Variants in MAF observed in about 807,000 individuals in gnomAD.
The protein encoded by MAF is MAF bZIP transcription factor, also known as transcription factor Maf.
MAF carries 10 observed loss-of-function variants against 22.0 expected under a neutral mutation model. The observed-to-expected ratio is 0.45, with a 90% CI of 0.28 to 0.77. The LOEUF (loss-of-function observed/expected upper bound fraction) is 0.77. MAF is among the 30% of genes least tolerant of loss of function. The pLI, the probability that MAF is intolerant of heterozygous loss-of-function variation, is 0.12. For missense variants in MAF, 544 were observed against 548.4 expected (o/e 0.99, Z 0.08); for synonymous variants, 337 against 255.8 (o/e 1.32, Z -3.03).
chr16:79,591,131 G>C (rs1374821529), downstream of MAF, among the ~76,000 whole-genome samples: 2 of 152,026 alleles, frequency 1.3e-5, no homozygotes, highest in African/African-American at 4.8e-5. Flanking sequence ...GTTCCCTAAC[G>C]GAAAGGACCA....
At chr16:79,437,140 CTCTCTCTGTG>C in the MAF span, among the ~76,000 whole-genome samples, 5 of 26,000 alleles carry the variant, frequency 1.9e-4, no homozygotes, top group South Asian at 1.5e-3. Context: ...AAAGCTCTCT[CTCTCTCTGTG>C]TGTGTGTGTG....
At chr16:79,577,072 A>C in the MAF span, among the ~76,000 whole-genome samples, 1 of 152,142 alleles carries the variant, frequency 6.6e-6, no homozygotes, top group African/African-American at 2.4e-5. Flanking sequence ...ATGGTCATAA[A>C]AGGACACTCT....
the MAF span, chr16:79,204,990 G>A: frequency 6.6e-6 from 1 of 152,168 alleles, no homozygotes; most frequent in Non-Finnish European, 1.5e-5. Context: ...TTGTCAGGGA[G>A]AATGGCATGG....
At chr16:79,536,988 G>GT in the MAF span, among the ~76,000 whole-genome samples, 1 of 152,158 alleles carries the variant, frequency 6.6e-6, no homozygotes, top group Admixed American at 6.5e-5. Context: ...GACCTTTTAT[G>GT]TATACCATAG....
chr16:79,536,587 A>G, the MAF span, among the ~76,000 whole-genome samples: 1 of 152,202 alleles, frequency 6.6e-6, no homozygotes, highest in South Asian at 2.1e-4. Context: ...GGTTGCAGTG[A>G]GCCCAGATCA....
the MAF span, among the ~76,000 whole-genome samples, chr16:79,220,742 G>A: frequency 1.3e-5 from 2 of 152,170 alleles, no homozygotes; most frequent in African/African-American, 4.8e-5. Flanking sequence ...AAGGCTCTGG[G>A]TAGTTACTGG....
the MAF span, among the ~76,000 whole-genome samples, chr16:79,334,881 G>C: frequency 3.1e-4 from 47 of 151,618 alleles, no homozygotes; most frequent in African/African-American, 1.1e-3. Context: ...GTGTGTGTGT[G>C]TGTGTTTAAA....
At chr16:79,223,422 A>C in the MAF span, among the ~76,000 whole-genome samples, 1 of 152,240 alleles carries the variant, frequency 6.6e-6, no homozygotes, top group Non-Finnish European at 1.5e-5. Context: ...AAAGATCTAA[A>C]ATCGACACTC....
At chr16:79,286,386 C>A in the MAF span, among the ~76,000 whole-genome samples, 1 of 152,132 alleles carries the variant, frequency 6.6e-6, no homozygotes, top group Non-Finnish European at 1.5e-5. Context: ...GCTGAGGTCA[C>A]CTGATATTGA....
the MAF span, among the ~76,000 whole-genome samples, chr16:79,567,557 CTGTT>C: frequency 0.022 from 3,285 of 152,052 alleles, 56 homozygotes; most frequent in Middle Eastern, 0.061. Context: ...CTAGTTTTGT[CTGTT>C]TGTATATTTT....
chr16:79,294,369 G>A, the MAF span, among the ~76,000 whole-genome samples: 1 of 152,052 alleles, frequency 6.6e-6, no homozygotes, highest in Non-Finnish European at 1.5e-5. Context: ...TGATCAATAG[G>A]GCTTGTTTGT....
chr16:79,409,563 G>A, the MAF span, among the ~76,000 whole-genome samples: 629 of 152,298 alleles, frequency 4.1e-3, 8 homozygotes, highest in African/African-American at 0.014. Context: ...TTGCAGGCCC[G>A]AAGCCCACCC....
At chr16:79,427,149 T>G in the MAF span, among the ~76,000 whole-genome samples, 1 of 152,332 alleles carries the variant, frequency 6.6e-6, no homozygotes, top group East Asian at 1.9e-4. Flanking sequence ...TATCCACCTT[T>G]ATGCATGTTA....
the MAF span, chr16:79,211,959 A>C: frequency 6.5e-7 from 1 of 1,536,060 alleles, no homozygotes; most frequent in African/African-American, 1.4e-5. Flanking sequence ...TACCAATGGG[A>C]AGCAGGGAAT....
chr16:79,215,360 G>C, the MAF span, among the ~76,000 whole-genome samples: 87 of 152,266 alleles, frequency 5.7e-4, 1 homozygote, highest in Middle Eastern at 3.4e-3. Flanking sequence ...GCCTGGCCAT[G>C]GATGCACCAT....
the MAF span, chr16:79,203,421 C>G: frequency 6.6e-6 from 1 of 151,948 alleles, no homozygotes; most frequent in African/African-American, 2.4e-5. Context: ...AAAGTACATC[C>G]TCTTAATTTG....
chr16:79,510,091 C>T, the MAF span, among the ~76,000 whole-genome samples: 1 of 152,194 alleles, frequency 6.6e-6, no homozygotes, highest in African/African-American at 2.4e-5. Context: ...TCGGCGATTG[C>T]AGGACGGCTA....
the MAF span, among the ~76,000 whole-genome samples, chr16:79,394,968 C>T: frequency 3.3e-4 from 50 of 152,188 alleles, no homozygotes; most frequent in African/African-American, 1.2e-3. Context: ...TAGCACAGAG[C>T]ATATAGCACA....
At chr16:79,383,706 T>A in the MAF span, among the ~76,000 whole-genome samples, 85,035 of 152,026 alleles carry the variant, frequency 0.56, 24,821 homozygotes, top group Non-Finnish European at 0.62. Context: ...CAGAACCCTG[T>A]GTTTACGCTG....
Sources: allele counts gnomAD v4.1 joint callset (sites outside exome capture counted in the v4.1 genomes callset), GRCh38; gene constraint gnomAD v4.1.1; transcripts MANE v1.5; gene names NCBI Gene and HGNC (gene_info 2026-07-23, HGNC 2026-07-21).